SLIT3: variants seen among roughly 807,000 people sequenced by gnomAD.
The protein encoded by SLIT3 is slit homolog 3 protein.
A neutral mutation model predicts 184.0 loss-of-function variants in SLIT3; 68 were observed. The ratio of observed to expected loss-of-function variants is 0.37; its 90% confidence interval spans 0.30 to 0.45. SLIT3 has a LOEUF of 0.45. Ranked by LOEUF, SLIT3 falls within the 20% of genes least tolerant of loss-of-function variation. The pLI is 1.00. For missense variants in SLIT3, 1,707 were observed against 2,026.0 expected, an observed-to-expected ratio of 0.84 and a Z score of 3.02; for synonymous variants, 831 against 828.6, an observed-to-expected ratio of 1.00 and a Z score of -0.05.
At chr5:168,823,113 C>T (rs905220920) in intron 7 of SLIT3, 147 bp downstream of exon 7, 1 of 738,984 alleles carries the variant, frequency 1.4e-6, no homozygotes. Flanking sequence ...GCCAAGGCAC[C>T]CCTTGGTTAA....
At chr5:168,876,660 T>A (rs1439197443) in intron 5 of SLIT3, among the ~76,000 whole-genome samples, 1 of 152,228 alleles carries the variant, frequency 6.6e-6, no homozygotes, top group Non-Finnish European at 1.5e-5. Context: ...GAAGCCAGAA[T>A]GAGACCTGTC....
intron 1 of SLIT3, among the ~76,000 whole-genome samples, chr5:169,298,263 C>T (rs908475701): frequency 1.3e-5 from 2 of 152,170 alleles, no homozygotes; most frequent in African/African-American, 2.4e-5. Flanking sequence ...AGCTCCTGCT[C>T]TGCCACTGCC....
chr5:169,191,686 C>G (rs1763556051), intron 4 of SLIT3, among the ~76,000 whole-genome samples: 1 of 152,172 alleles, frequency 6.6e-6, no homozygotes, highest in African/African-American at 2.4e-5. Context: ...GAGGACATAA[C>G]TCATAGGTTC....
chr5:169,221,121 C>T (rs894137339), intron 3 of SLIT3, among the ~76,000 whole-genome samples: 1 of 152,214 alleles, frequency 6.6e-6, no homozygotes, highest in Non-Finnish European at 1.5e-5. Context: ...ATTCCAGAAC[C>T]CATTTTCTCT....
intron 16 of SLIT3, among the ~76,000 whole-genome samples, chr5:168,754,651 G>A (rs771960360): frequency 7.9e-5 from 12 of 152,188 alleles, no homozygotes; most frequent in Non-Finnish European, 1.5e-4. Context: ...ACAAAGAAAT[G>A]ATAGATGTTA....
rs12653521 is a variant in SLIT3 at position 169,163,932 on chromosome 5, C to T, written c.413+29547G>A. On this transcript the variant is annotated intron_variant, in intron 4 of 35. Transcript: ENST00000519560. ...TGGGCCTGGGCAGAGGTGATGCTTG[C>T]GGGCCCCCAGTGAGAATGTCCATGG... Among the ~76,000 whole-genome samples the T allele has an allele frequency of 0.02, 3,093 of 152,206 alleles. 196 individuals are homozygous for T. In the East Asian group the frequency reaches 0.24, roughly 12 times the overall value.
Position 168,707,830 on chromosome 5 carries a change from C to T in SLIT3, c.2844+146G>A, listed in dbSNP as rs556220703. On this transcript the variant is annotated intron_variant, in intron 26 of 35. Coordinates refer to ENST00000519560, the MANE Select transcript of SLIT3 (RefSeq NM_003062.4). The stretch of plus-strand genomic sequence containing the variant: ...AGAACAGTGTTACTGGCAAATGCTG[C>T]TTTGGAGTGGTGACCTGTGCGATGG... 331 of 928,760 alleles carry T rather than the reference C, an allele frequency of 3.6e-4. 1 individual carries two copies. The highest frequency in any genetic ancestry group is 2.4e-3 in the Middle Eastern group (7 of 2,930). 57.5% of individuals were successfully genotyped at this position (928,760 alleles called of 1,614,324 possible).
intron 2 of SLIT3, among the ~76,000 whole-genome samples, chr5:169,247,438 C>T: frequency 6.6e-6 from 1 of 152,122 alleles, no homozygotes; most frequent in East Asian, 1.9e-4. Context: ...TGCTGGATGA[C>T]AAGGACCAAC....
chr5:168,956,165 C>T (rs529390292), intron 4 of SLIT3, among the ~76,000 whole-genome samples: 22 of 152,318 alleles, frequency 1.4e-4, no homozygotes, highest in African/African-American at 5.1e-4. Context: ...TTCCTTCCCA[C>T]CTTATCTTGA....
At chr5:168,762,458 G>A (rs547069214) in intron 15 of SLIT3, 81 bp downstream of exon 15, 37 of 1,488,356 alleles carry the variant, frequency 2.5e-5, no homozygotes, top group Admixed American at 3.5e-5. Context: ...AGGGGTCACC[G>A]CCAGGAGACC....
At chr5:168,830,915 C>A (rs1410075513) in intron 6 of SLIT3, among the ~76,000 whole-genome samples, 1 of 152,194 alleles carries the variant, frequency 6.6e-6, no homozygotes, top group Non-Finnish European at 1.5e-5. Context: ...AGGGACCCAT[C>A]CTTTACTGGT....
chr5:169,005,718 A>G (rs1332777923), intron 4 of SLIT3, among the ~76,000 whole-genome samples: 1 of 152,224 alleles, frequency 6.6e-6, no homozygotes, highest in African/African-American at 2.4e-5. Context: ...TGTTCCAGAC[A>G]CTTTATACTA....
chr5:168,788,253 A>C (rs187578716), intron 11 of SLIT3, among the ~76,000 whole-genome samples: 48 of 152,232 alleles, frequency 3.2e-4, no homozygotes, highest in Admixed American at 3.0e-3. Context: ...AATCTCACAC[A>C]TGGTCCCATC....
intron 4 of SLIT3, among the ~76,000 whole-genome samples, chr5:169,101,778 C>A (rs2113231679): frequency 6.6e-6 from 1 of 152,256 alleles, no homozygotes; most frequent in South Asian, 2.1e-4. Flanking sequence ...CTCTGGCTAC[C>A]CTCACCACAG....
chr5:168,691,596 C>T (rs1169703268), intron 29 of SLIT3, among the ~76,000 whole-genome samples: 1 of 152,222 alleles, frequency 6.6e-6, no homozygotes, highest in Non-Finnish European at 1.5e-5. Flanking sequence ...CCAGGGCCCT[C>T]ATCTCTAGGG....
At chr5:169,137,996 A>G (rs1378719761) in intron 4 of SLIT3, among the ~76,000 whole-genome samples, 1 of 152,100 alleles carries the variant, frequency 6.6e-6, no homozygotes, top group African/African-American at 2.4e-5. Context: ...AGTCATGCAA[A>G]ACCAAAAACT....
At chr5:168,808,175 C>A (rs883242) in intron 8 of SLIT3, among the ~76,000 whole-genome samples, 96,978 of 151,908 alleles carry the variant, frequency 0.64, 31,377 homozygotes, top group Middle Eastern at 0.78. Flanking sequence ...GGAAAATGCC[C>A]GAAAGATGAT....
intron 20 of SLIT3, among the ~76,000 whole-genome samples, chr5:168,740,479 C>T (rs1194238512): frequency 1.3e-5 from 2 of 152,192 alleles, no homozygotes; most frequent in Non-Finnish European, 1.5e-5. Context: ...TGTAAGCTGG[C>T]AGCTCTGCCT....
rs149680337 is a variant in SLIT3 at position 168,864,721 on chromosome 5, G to A, written c.485+18544C>T. On this transcript the variant is annotated intron_variant, in intron 5 of 35. Coordinates refer to ENST00000519560, the MANE Select transcript of SLIT3 (RefSeq NM_003062.4). ...TTCATGGGAAGGAGTTGAATATGCC[G>A]TCTGAAGTCAAGATAACCATGGGCC... Among the ~76,000 whole-genome samples, 241 of 152,252 alleles carry A rather than the reference G, an allele frequency of 1.6e-3. 1 individual carries two copies. Among genetic ancestry groups the A allele is most frequent in the African/African-American group, 5.0e-3 (208 of 41,542 alleles).
Sources: gnomAD v4.1 joint callset for allele counts (sites outside exome capture counted in the v4.1 genomes callset) on GRCh38, gnomAD v4.1.1 for gene constraint, MANE v1.5 for transcripts, NCBI Gene and HGNC (gene_info 2026-07-23, HGNC 2026-07-21) for gene names.